The following KLRK1 variants were observed in gnomAD, a reference collection of about 807,000 sequenced individuals.
The protein encoded by KLRK1 is killer cell lectin like receptor K1, also known as NKG2-D type II integral membrane protein.
Under a neutral mutation model 31.3 loss-of-function variants are expected in KLRK1, and 40 were observed. The ratio of observed to expected loss-of-function variants is 1.28; its 90% CI spans 0.99 to 1.67. KLRK1 has a LOEUF of 1.67. Among genes scored for constraint, KLRK1 ranks in the 40% most tolerant of loss-of-function variants. The pLI, the probability that KLRK1 is intolerant of heterozygous loss-of-function variation, is 0.00. For synonymous variants in KLRK1, 77 were observed against 77.3 expected, an observed-to-expected ratio of 1.00 and a Z score of 0.02; for missense variants, 251 against 260.0, an observed-to-expected ratio of 0.97 and a Z score of 0.24.
At position 10,386,909 on chromosome 12, in the gene KLRK1, C is replaced by T. The variant is rs759618556; in HGVS notation, c.142G>A (p.Glu48Lys). The stretch of plus-strand genomic sequence containing the variant: ...AATGGAACATAGGACTTACCATTTT[C>T]TCTACATTTGCTTTTGACTACTGGA... ...RCPVVKSKCR[E>K]NASPFFFCCF... Residue 48 changes from glutamate to lysine, a missense_variant, in exon 3 of 8, where the codon GAA (glutamate) becomes AAA (lysine). Transcript: ENST00000240618. 7.9e-5 allele frequency: 127 copies of T among 1,611,358 alleles called. 1 individual carries two copies. The highest frequency in any genetic ancestry group is 6.4e-4 in the South Asian group (58 of 90,806).
At chr12:10,374,534 A>G (rs1157363099) in intron 7 of KLRK1, among the ~76,000 whole-genome samples, 1 of 151,948 alleles carries the variant, frequency 6.6e-6, no homozygotes, top group Non-Finnish European at 1.5e-5. Context: ...AGCTGGGGTT[A>G]CAGGCACTTG....
intron 3 of KLRK1, among the ~76,000 whole-genome samples, chr12:10,382,697 T>C (rs1863097580): frequency 6.6e-6 from 1 of 152,168 alleles, no homozygotes; most frequent in Non-Finnish European, 1.5e-5. Context: ...TTCAGAATAT[T>C]CTAATACTGT....
At chr12:10,380,723 C>A (rs537512287) in intron 3 of KLRK1, among the ~76,000 whole-genome samples, 18 of 152,276 alleles carry the variant, frequency 1.2e-4, no homozygotes, top group South Asian at 6.2e-4. Context: ...AGGAGAGCTC[C>A]ACATTCCTCA....
At chr12:10,373,441 C>T (rs1317179878) in intron 7 of KLRK1, among the ~76,000 whole-genome samples, 1 of 152,124 alleles carries the variant, frequency 6.6e-6, no homozygotes, top group Non-Finnish European at 1.5e-5. Context: ...TTTTATCATA[C>T]ATCAGAAACT....
At chr12:10,373,737 G>A (rs1239904001) in intron 7 of KLRK1, among the ~76,000 whole-genome samples, 1 of 118,520 alleles carries the variant, frequency 8.4e-6, no homozygotes. Context: ...GGCATTCCAT[G>A]TGGAGATTTC....
intron 3 of KLRK1, among the ~76,000 whole-genome samples, chr12:10,381,129 A>G (rs1443502392): frequency 6.6e-6 from 1 of 151,898 alleles, no homozygotes; most frequent in Admixed American, 6.6e-5. Flanking sequence ...CAGCATAGAG[A>G]GAGTCATGCA....
chr12:10,382,919 G>A (rs1410998885), intron 3 of KLRK1, among the ~76,000 whole-genome samples: 1 of 151,660 alleles, frequency 6.6e-6, no homozygotes, highest in Admixed American at 6.6e-5. Flanking sequence ...TGTGATCAAA[G>A]TTAAGCTGTC....
intron 4 of KLRK1, 59 bp downstream of exon 4, chr12:10,379,641 T>A: frequency 6.7e-7 from 1 of 1,489,098 alleles, no homozygotes; most frequent in African/African-American, 1.4e-5. Flanking sequence ...CTAACAAAAA[T>A]AATACATTAG....
At chr12:10,374,339 C>T (rs553545946) in intron 7 of KLRK1, among the ~76,000 whole-genome samples, 2 of 148,160 alleles carry the variant, frequency 1.3e-5, no homozygotes, top group South Asian at 4.3e-4. Flanking sequence ...AATAACTGCT[C>T]TTACTAGGTT....
intron 7 of KLRK1, among the ~76,000 whole-genome samples, chr12:10,373,683 C>G (rs1050189247): frequency 1.1e-5 from 1 of 90,128 alleles, no homozygotes. Context: ...CACACATTCA[C>G]AAGTGTGTAT....
rs755861020 is a variant in KLRK1 at position 10,378,158 on chromosome 12, T to C, written c.507A>G (p.Glu169=). 1 of 1,614,150 alleles carries C rather than the reference T, an allele frequency of 6.2e-7. No homozygotes were observed. Among genetic ancestry groups the C allele is most frequent in the South Asian group, 1.1e-5 (1 of 91,078 alleles). Residue 169 remains glutamate, a synonymous_variant, in exon 7 of 8, where the codon GAA becomes GAG. Transcript: ENST00000240618. The part of the protein sequence containing the change: ...HIPTNGSWQW[E]DGSILSPNLL... The stretch of plus-strand genomic sequence containing the variant: ...GGTTGGGTGAGAGAATGGAGCCATC[T>C]TCCCACTGCCAAGATCCATTTGTTG...
chr12:10,380,775 T>A (rs1249907720), intron 3 of KLRK1, among the ~76,000 whole-genome samples: 1 of 152,144 alleles, frequency 6.6e-6, no homozygotes, highest in African/African-American at 2.4e-5. Context: ...GACATCCACA[T>A]AACTGCATTA....
intron 3 of KLRK1, among the ~76,000 whole-genome samples, chr12:10,385,877 T>C (rs1286596489): frequency 2.0e-5 from 3 of 152,024 alleles, no homozygotes; most frequent in Non-Finnish European, 4.4e-5. Flanking sequence ...CCCATAAATA[T>C]GTATAATTAT....
chr12:10,382,845 G>A (rs560394877), intron 3 of KLRK1, among the ~76,000 whole-genome samples: 49 of 152,296 alleles, frequency 3.2e-4, no homozygotes, highest in African/African-American at 1.2e-3. Context: ...ACATGTGAGA[G>A]GAGATGGAGT....
intron 4 of KLRK1, 58 bp downstream of exon 4, chr12:10,379,642 A>T: frequency 6.7e-7 from 1 of 1,489,018 alleles, no homozygotes; most frequent in African/African-American, 1.4e-5. Flanking sequence ...TAACAAAAAT[A>T]ATACATTAGC....
chr12:10,380,059 G>GTTTTTTT (rs1162094591), intron 3 of KLRK1, among the ~76,000 whole-genome samples: 52 of 83,760 alleles, frequency 6.2e-4, no homozygotes, highest in African/African-American at 8.4e-4. Flanking sequence ...TGTTGTTATT[G>GTTTTTTT]TTTTTTTTTT....
At chr12:10,377,685 G>A (rs1204754278) in intron 7 of KLRK1, among the ~76,000 whole-genome samples, 1 of 152,078 alleles carries the variant, frequency 6.6e-6, no homozygotes, top group African/African-American at 2.4e-5. Context: ...TGTTTTCCAG[G>A]TAATTTATAT....
At chr12:10,382,845 G>C (rs560394877) in intron 3 of KLRK1, among the ~76,000 whole-genome samples, 1 of 152,178 alleles carries the variant, frequency 6.6e-6, no homozygotes, top group Non-Finnish European at 1.5e-5. Flanking sequence ...ACATGTGAGA[G>C]GAGATGGAGT....
intron 3 of KLRK1, among the ~76,000 whole-genome samples, chr12:10,385,367 G>GAC (rs3055416): frequency 0.045 from 6,616 of 145,718 alleles, 222 homozygotes; most frequent in African/African-American, 0.11. Flanking sequence ...AGCACACACA[G>GAC]ACACACACAC....
Sources: allele counts gnomAD v4.1 joint callset (sites outside exome capture counted in the v4.1 genomes callset), GRCh38; gene constraint gnomAD v4.1.1; transcripts MANE v1.5; gene names NCBI Gene and HGNC (gene_info 2026-07-23, HGNC 2026-07-21).